Variants in THADA observed in about 807,000 individuals in gnomAD.
THADA encodes THADA armadillo repeat containing.
THADA carries 213 observed loss-of-function variants against 219.8 expected under a neutral mutation model. That is an observed-to-expected ratio of 0.97 (90% CI 0.87 to 1.09). The LOEUF is 1.09. Among genes scored for constraint, THADA ranks in the 50% least tolerant of loss-of-function variants. The probability of loss-of-function intolerance (pLI) is 0.00; values close to 1 mark genes in which losing one functional copy is unlikely to be tolerated. For missense variants in THADA, 2,956 were observed against 2,311.3 expected, an observed-to-expected ratio of 1.28 and a Z score of -5.72; for synonymous variants, 1,018 against 828.9, an observed-to-expected ratio of 1.23 and a Z score of -3.92.
chr2:43,375,335 CCA>C (rs1370859282), intron 29 of THADA, among the ~76,000 whole-genome samples: 1 of 152,158 alleles, frequency 6.6e-6, no homozygotes, highest in African/African-American at 2.4e-5. Flanking sequence ...ACCACATAAT[CCA>C]GTTTGTCAAT....
At chr2:43,515,735 C>T (rs539123100) in intron 22 of THADA, among the ~76,000 whole-genome samples, 5 of 151,822 alleles carry the variant, frequency 3.3e-5, no homozygotes, top group African/African-American at 7.3e-5. Context: ...TTGTATACCC[C>T]GTTAAAGTAC....
In THADA at chr2:43,291,757, T is replaced by C; in HGVS notation, c.4949A>G (p.Gln1650Arg). The change falls in exon 34 of 38, where the codon CAG becomes CGG. Residue 1650 changes from glutamine (Q) to arginine (R), a missense_variant. Coordinates refer to ENST00000405975, the MANE Select transcript of THADA (RefSeq NM_022065.5). ...GGAAGCAAGTCTCAGAGCTACACTC[T>C]GAATTTCAGATCTAGAAAAATAAAC... is the stretch of plus-strand genomic sequence containing the variant. ...DIASNERSEIQSVALRLASKV... is the reference protein window; with the variant it reads ...DIASNERSEIRSVALRLASKV... 2 of 1,549,400 alleles carry C rather than the reference T, an allele frequency of 1.3e-6. No individual in the cohort carries two copies. The highest frequency in any genetic ancestry group is 1.7e-6 in the Non-Finnish European group (2 of 1,144,798).
At chr2:43,552,858 C>T (rs1181641375) in intron 17 of THADA, among the ~76,000 whole-genome samples, 2 of 151,640 alleles carry the variant, frequency 1.3e-5, no homozygotes, top group African/African-American at 2.4e-5. Flanking sequence ...GCTCTCCTTG[C>T]ACCTCTACCC....
intron 29 of THADA, among the ~76,000 whole-genome samples, chr2:43,383,982 C>G (rs1388203625): frequency 6.6e-6 from 1 of 152,084 alleles, no homozygotes; most frequent in Non-Finnish European, 1.5e-5. Context: ...ACCATCACTC[C>G]TGGTCTAACA....
intron 28 of THADA, among the ~76,000 whole-genome samples, chr2:43,408,061 G>C (rs1675801941): frequency 6.6e-6 from 1 of 152,164 alleles, no homozygotes; most frequent in Admixed American, 6.6e-5. Flanking sequence ...GCTCTAACTA[G>C]TGTTAAACAA....
intron 6 of THADA, 52 bp downstream of exon 6, chr2:43,586,650 T>C (rs985054246): frequency 1.9e-6 from 3 of 1,565,344 alleles, no homozygotes; most frequent in African/African-American, 1.4e-5. Context: ...AGTTCCAAAA[T>C]GACTCATACA....
intron 29 of THADA, among the ~76,000 whole-genome samples, chr2:43,395,325 G>A (rs1432334322): frequency 6.6e-6 from 1 of 152,212 alleles, no homozygotes; most frequent in Non-Finnish European, 1.5e-5. Flanking sequence ...AAGCAGCAGA[G>A]TCTGACACAA....
chr2:43,534,255 A>C (rs1384998014), intron 21 of THADA, among the ~76,000 whole-genome samples: 1 of 152,214 alleles, frequency 6.6e-6, no homozygotes, highest in African/African-American at 2.4e-5. Context: ...AATACATATA[A>C]TAAATAGTGA....
At position 43,560,397 on chromosome 2, in the gene THADA, T is replaced by G; in HGVS notation, c.2312-12A>C. 3 of 1,499,612 alleles carry G rather than the reference T, an allele frequency of 2.0e-6. No individual in the cohort carries two copies. The highest frequency in any genetic ancestry group is 2.7e-6 in the Non-Finnish European group (3 of 1,121,526). The allele number at this position is 1,499,612 out of a possible 1,614,324, so 92.9% of individuals were successfully genotyped here. A position where few individuals can be genotyped will look rare whatever the true frequency, so the allele number is the denominator to read the frequency against. On this transcript the variant is annotated splice_polypyrimidine_tract_variant and intron_variant, in intron 15 of 37. Coordinates refer to ENST00000405975, the MANE Select transcript of THADA (RefSeq NM_022065.5). ...TGTATAAATTCTGCCTAAAAATATT[T>G]TAAAAACAAAAAGATTTAAAAGTGA...
In THADA at chr2:43,572,946, C is replaced by A. The variant is rs1443447964; in HGVS notation, c.1776G>T (p.Gly592=). Residue 592 remains glycine (G), a synonymous_variant, in exon 12 of 38, where the codon GGG becomes GGT. Coordinates refer to ENST00000405975, the MANE Select transcript of THADA (RefSeq NM_022065.5). ...GACATGCCATCAAAGCTCCCAGAGC[C>A]CCCCTGCTATTACAAGACCCTAAGG... ...FPSLGSCNSR[G]ALGALMACLR... is the part of the protein sequence containing the mutation. 1 of 1,613,784 alleles carries A rather than the reference C, an allele frequency of 6.2e-7. No individual in the cohort carries two copies. The highest frequency in any genetic ancestry group is 8.5e-7 in the Non-Finnish European group (1 of 1,179,860).
In THADA at chr2:43,587,087, G is replaced by T. The variant is rs1342581170; in HGVS notation, c.303-85C>A. On this transcript the variant is annotated intron_variant, in intron 4 of 37. Coordinates refer to ENST00000405975, the MANE Select transcript of THADA (RefSeq NM_022065.5). ...AGGGAAGAGAATCATACAAATGTGG[G>T]AATACTGAACTAAATCTTCAAAATA... 2.0e-5 allele frequency: 27 copies of T among 1,360,430 alleles called. 1 individual carries two copies. In the South Asian group the frequency reaches 2.4e-4, roughly 12 times the overall value. The allele number at this position is 1,360,430 out of a possible 1,614,324, so 84.3% of individuals were successfully genotyped here.
chr2:43,479,155 C>A (rs1386662467), intron 26 of THADA, among the ~76,000 whole-genome samples: 1 of 152,278 alleles, frequency 6.6e-6, no homozygotes, highest in African/African-American at 2.4e-5. Flanking sequence ...AATTAAAGCA[C>A]CTCTTTGAGA....
At chr2:43,566,242 C>T (rs940321287) in intron 15 of THADA, 1 of 468,294 alleles carries the variant, frequency 2.1e-6, no homozygotes, top group Non-Finnish European at 3.8e-6. Context: ...AAATTACATC[C>T]TCATATTGTC....
rs574877357 is a variant in THADA, at chr2:43,591,985, C to T, written c.138G>A (p.Thr46=). 9.6e-6 allele frequency: 15 copies of T among 1,559,486 alleles called. No homozygotes were observed. The Admixed American group carries it at 9.7e-5, about 10-fold the overall frequency. ...TATAATGGATTTGTGACACTCCATC[C>T]GTGAGTTGCACACAATGTAACAGCA... The part of the protein sequence containing the change: ...ASLLLHCVQL[T]DGVSQIHYIK... The change falls in exon 3 of 38, where the codon ACG becomes ACA. Residue 46 remains threonine, a synonymous_variant. Coordinates refer to ENST00000405975, the MANE Select transcript of THADA (RefSeq NM_022065.5).
At chr2:43,366,214 A>G (rs1670134031) in intron 29 of THADA, among the ~76,000 whole-genome samples, 3 of 152,278 alleles carry the variant, frequency 2.0e-5, no homozygotes, top group Admixed American at 1.3e-4. Flanking sequence ...TAGCAAGTTA[A>G]ATGGGTTCTA....
At chr2:43,254,086 A>G (rs1044514655) in intron 36 of THADA, among the ~76,000 whole-genome samples, 8 of 151,606 alleles carry the variant, frequency 5.3e-5, no homozygotes, top group African/African-American at 1.7e-4. Flanking sequence ...CTATCCCTGA[A>G]CTAATCTCAG....
chr2:43,350,059 G>A (rs181414407), intron 29 of THADA, among the ~76,000 whole-genome samples: 2 of 152,314 alleles, frequency 1.3e-5, no homozygotes, highest in Non-Finnish European at 2.9e-5. Context: ...GATCTATGCT[G>A]GGAATGTACA....
chr2:43,406,009 C>T (rs1326205378), intron 28 of THADA, among the ~76,000 whole-genome samples: 1 of 152,204 alleles, frequency 6.6e-6, no homozygotes, highest in African/African-American at 2.4e-5. Context: ...CACATTGCCT[C>T]CCAGTGACCC....
At position 43,541,247 on chromosome 2, in the gene THADA, T is replaced by C; in HGVS notation, c.3176A>G (p.Glu1059Gly). The C allele has an allele frequency of 1.2e-6, 2 of 1,612,354 alleles. No homozygotes were observed. The highest frequency in any genetic ancestry group is 8.5e-7 in the Non-Finnish European group (1 of 1,179,284). The change falls in exon 21 of 38, where the codon GAA (glutamate) becomes GGA (glycine). Residue 1059 changes from glutamate (E) to glycine (G), a missense_variant. Transcript: ENST00000405975. Reference protein sequence around the residue: ...VLVCCWRSMKEVALLLGMLCQ... With the variant: ...VLVCCWRSMKGVALLLGMLCQ... ...CAACATGCCTAAAAGTAAAGCAACTTCCTTCATACTTCTCCAACAACATAC... is the reference window on the plus strand; with the variant it reads ...CAACATGCCTAAAAGTAAAGCAACTCCCTTCATACTTCTCCAACAACATAC...
Sources: gnomAD v4.1 joint callset for allele counts (sites outside exome capture counted in the v4.1 genomes callset) on GRCh38, gnomAD v4.1.1 for gene constraint, MANE v1.5 for transcripts, NCBI Gene and HGNC (gene_info 2026-07-23, HGNC 2026-07-21) for gene names.